Variants in MALRD1 observed in about 807,000 individuals in gnomAD.
The protein encoded by MALRD1 is MAM and LDL receptor class A domain containing 1, also known as MAM and LDL-receptor class A domain-containing protein 1.
Under a neutral mutation model 242.1 loss-of-function variants are expected in MALRD1, and 247 were observed. The observed-to-expected ratio is 1.02, with a 90% CI of 0.92 to 1.13. MALRD1 has a LOEUF of 1.13. Ranked by LOEUF, MALRD1 falls within the 50% of genes most tolerant of loss-of-function variation. The probability of loss-of-function intolerance (pLI) is 0.00; values close to 1 mark genes in which losing one functional copy is unlikely to be tolerated. For missense variants in MALRD1, 2,989 were observed against 2,533.1 expected, an observed-to-expected ratio of 1.18 and a Z score of -3.86; for synonymous variants, 995 against 866.6, an observed-to-expected ratio of 1.15 and a Z score of -2.60.
intron 36 of MALRD1, among the ~76,000 whole-genome samples, chr10:19,636,625 A>G (rs1854075): frequency 0.048 from 7,307 of 152,206 alleles, 215 homozygotes; most frequent in Middle Eastern, 0.092. Flanking sequence ...GTGGCCCAGT[A>G]CAGTGGCTCA....
chr10:19,141,596 A>T (rs551467360), intron 10 of MALRD1, among the ~76,000 whole-genome samples: 21 of 151,286 alleles, frequency 1.4e-4, no homozygotes, highest in Non-Finnish European at 2.8e-4. Context: ...ATTTTCAATA[A>T]CTCATATAGG....
intron 29 of MALRD1, among the ~76,000 whole-genome samples, chr10:19,454,026 C>T (rs962823684): frequency 1.3e-5 from 2 of 152,118 alleles, no homozygotes; most frequent in Admixed American, 6.5e-5. Flanking sequence ...TGCCACTGCA[C>T]TCCAGCCTGG....
At chr10:19,498,056 C>G (rs1018467105) in intron 30 of MALRD1, among the ~76,000 whole-genome samples, 8 of 152,256 alleles carry the variant, frequency 5.3e-5, no homozygotes, top group African/African-American at 1.7e-4. Flanking sequence ...ACTACTTCTC[C>G]CAAAGTGCCT....
intron 35 of MALRD1, among the ~76,000 whole-genome samples, chr10:19,611,389 G>A (rs555422239): frequency 1.4e-4 from 21 of 152,040 alleles, no homozygotes; most frequent in African/African-American, 4.3e-4. Context: ...TTCTATTTAC[G>A]TTTAAAAGTT....
intron 36 of MALRD1, among the ~76,000 whole-genome samples, chr10:19,686,742 G>A (rs1435756811): frequency 6.6e-6 from 1 of 152,108 alleles, no homozygotes; most frequent in Non-Finnish European, 1.5e-5. Flanking sequence ...CCAAATCGTG[G>A]AAATGCTATA....
chr10:19,461,334 A>G (rs948414611), intron 29 of MALRD1, among the ~76,000 whole-genome samples: 3 of 152,174 alleles, frequency 2.0e-5, no homozygotes, highest in African/African-American at 7.2e-5. Context: ...GAGTTCAGAG[A>G]AAGAAACCAA....
intron 21 of MALRD1, among the ~76,000 whole-genome samples, chr10:19,308,741 A>G (rs1157699148): frequency 6.6e-6 from 1 of 151,572 alleles, no homozygotes; most frequent in Admixed American, 6.6e-5. Context: ...TGAGCCCATT[A>G]GAGAAAAAGT....
At chr10:19,096,915 G>A (rs2131317625) in intron 4 of MALRD1, among the ~76,000 whole-genome samples, 1 of 152,278 alleles carries the variant, frequency 6.6e-6, no homozygotes, top group South Asian at 2.1e-4. Flanking sequence ...ACCTCCATCT[G>A]TGAAGGACTA....
rs181565456 is a variant in MALRD1, at chr10:19,565,016, A to G, written c.5479-2486A>G. On this transcript the variant is annotated intron_variant, in intron 32 of 39. Transcript: ENST00000454679. Reference sequence around the variant, plus strand: ...ACTTGACGTAACATGTAATTATTCAACTTAATATACTGGAGGTATTATAAA... The same window carrying G: ...ACTTGACGTAACATGTAATTATTCAGCTTAATATACTGGAGGTATTATAAA... Among the ~76,000 whole-genome samples the G allele has an allele frequency of 1.3e-4, 20 of 152,294 alleles. No individual in the cohort carries two copies. In the East Asian group the frequency reaches 3.7e-3, roughly 28 times the overall value.
intron 29 of MALRD1, among the ~76,000 whole-genome samples, chr10:19,481,905 T>C (rs1274729377): frequency 1.3e-5 from 2 of 152,114 alleles, no homozygotes; most frequent in African/African-American, 4.8e-5. Flanking sequence ...GCACTAAATA[T>C]ACTGTTTTAC....
At chr10:19,698,181 A>C (rs550449699) in intron 38 of MALRD1, among the ~76,000 whole-genome samples, 52 of 152,288 alleles carry the variant, frequency 3.4e-4, no homozygotes, top group Non-Finnish European at 5.0e-4. Flanking sequence ...CCTGGAATCT[A>C]CCTTTGAAGC....
intron 28 of MALRD1, among the ~76,000 whole-genome samples, chr10:19,403,665 G>C (rs1043896888): frequency 1.3e-5 from 2 of 151,958 alleles, no homozygotes; most frequent in Non-Finnish European, 2.9e-5. Context: ...TGAGCCCTAA[G>C]GATTTTACAG....
At chr10:19,525,013 T>C (rs1589195279) in intron 31 of MALRD1, among the ~76,000 whole-genome samples, 1 of 152,066 alleles carries the variant, frequency 6.6e-6, no homozygotes, top group East Asian at 1.9e-4. Flanking sequence ...CAAGCGATTT[T>C]CCTGCCTCAG....
At chr10:19,675,768 T>A (rs141288983) in intron 36 of MALRD1, among the ~76,000 whole-genome samples, 133 of 152,364 alleles carry the variant, frequency 8.7e-4, no homozygotes, top group Non-Finnish European at 1.5e-3. Context: ...AAGCTTGTGC[T>A]AATTGCAGTG....
At chr10:19,277,642 C>T (rs1840595335) in intron 19 of MALRD1, among the ~76,000 whole-genome samples, 1 of 152,154 alleles carries the variant, frequency 6.6e-6, no homozygotes, top group South Asian at 2.1e-4. Context: ...TTCTGGGTTT[C>T]ACATTTTAGA....
At chr10:19,384,664 C>G (rs1156777171) in intron 26 of MALRD1, among the ~76,000 whole-genome samples, 1 of 128,724 alleles carries the variant, frequency 7.8e-6, no homozygotes, top group Non-Finnish European at 1.6e-5. Flanking sequence ...ATAATATTTA[C>G]TATATATTAT....
chr10:19,526,356 C>A (rs1170677510), intron 31 of MALRD1, among the ~76,000 whole-genome samples: 8 of 146,690 alleles, frequency 5.5e-5, no homozygotes, highest in African/African-American at 2.5e-5. Flanking sequence ...TATGATTCTC[C>A]AAAAAAAAAA....
At chr10:19,052,115 A>G in intron 1 of MALRD1, 1 of 460,208 alleles carries the variant, frequency 2.2e-6, no homozygotes, top group Non-Finnish European at 4.3e-6. Context: ...GGCAGAATTC[A>G]TATAGCATCA....
intron 36 of MALRD1, among the ~76,000 whole-genome samples, chr10:19,691,593 T>C (rs1842823019): frequency 6.6e-6 from 1 of 151,932 alleles, no homozygotes; most frequent in South Asian, 2.1e-4. Context: ...ACCAGAAAAA[T>C]TTCAATACAT....
Sources: gnomAD v4.1 joint callset for allele counts (sites outside exome capture counted in the v4.1 genomes callset) on GRCh38, gnomAD v4.1.1 for gene constraint, MANE v1.5 for transcripts, NCBI Gene and HGNC (gene_info 2026-07-23, HGNC 2026-07-21) for gene names.